PSME1: variants seen among roughly 807,000 people sequenced by gnomAD.
The protein encoded by PSME1 is proteasome activator complex subunit 1.
In PSME1, 15 loss-of-function variants were observed where a neutral mutation model predicts 38.4. That is an observed-to-expected ratio of 0.39 (90% CI 0.26 to 0.60). PSME1 has a LOEUF of 0.60. Among genes scored for constraint, PSME1 ranks in the 20% least tolerant of loss-of-function variants. The pLI, the probability that PSME1 is intolerant of heterozygous loss-of-function variation, is 0.53. For missense variants in PSME1, 249 were observed against 305.6 expected, an observed-to-expected ratio of 0.81 and a Z score of 1.38; for synonymous variants, 106 against 106.8, an observed-to-expected ratio of 0.99 and a Z score of 0.05.
chr14:24,136,228 A>C lies in PSME1; in HGVS notation c.-35A>C, dbSNP rs1354363989. The C allele has an allele frequency of 2.0e-6, 3 of 1,514,614 alleles. No individual in the cohort carries two copies. Among genetic ancestry groups the C allele is most frequent in the East Asian group, 2.8e-5 (1 of 35,578 alleles). The allele number at this position is 1,514,614 out of a possible 1,614,324, so 93.8% of individuals were successfully genotyped here. On this transcript the variant is annotated 5_prime_UTR_variant, in exon 1 of 11. Transcript: ENST00000206451. The surrounding 1 kb of genome is among the most constrained non-coding windows in gnomAD (Gnocchi z 4.8). Reference sequence around the variant, plus strand: ...GCTTTCCCTTCGCGGTGCCCACTCCACTCCTTGTGCGGCGCTAGGCCCCCC... The same window carrying C: ...GCTTTCCCTTCGCGGTGCCCACTCCCCTCCTTGTGCGGCGCTAGGCCCCCC...
rs2037896629 is a variant in PSME1 at position 24,136,205 on chromosome 14, T to C, written c.-58T>C. ...GGTGCGAGCGCCCTACCGCTTTCGC[T>C]TTCCCTTCGCGGTGCCCACTCCACT... On this transcript the variant is annotated 5_prime_UTR_variant, in exon 1 of 11. Coordinates refer to ENST00000206451, the MANE Select transcript of PSME1 (RefSeq NM_006263.4). The surrounding 1 kb of genome is among the most constrained non-coding windows in gnomAD (Gnocchi z 4.8). The C allele has an allele frequency of 2.0e-6, 3 of 1,502,054 alleles. No homozygotes were observed. Among genetic ancestry groups the C allele is most frequent in the Middle Eastern group, 1.7e-4 (1 of 5,868 alleles). 93.0% of individuals were successfully genotyped at this position (1,502,054 alleles called of 1,614,324 possible).
intron 10 of PSME1, 87 bp downstream of exon 10, chr14:24,138,647 G>T (rs2037965686): frequency 6.2e-7 from 1 of 1,613,548 alleles, no homozygotes; most frequent in African/African-American, 1.3e-5. Flanking sequence ...GGGGTTAAGG[G>T]TGACAAAGCT....
intron 3 of PSME1, 35 bp downstream of exon 3, chr14:24,137,240 G>A: frequency 3.1e-6 from 5 of 1,612,140 alleles, no homozygotes; most frequent in Non-Finnish European, 4.2e-6. Context: ...GGGAGTAAAG[G>A]CCAAGAGAAG....
chr14:24,137,471 G>C (rs770364829), intron 4 of PSME1, 40 bp downstream of exon 4: 15 of 1,613,770 alleles, frequency 9.3e-6, no homozygotes, highest in Middle Eastern at 3.3e-4. Flanking sequence ...CCAACTATGG[G>C]GGTAATCAAC....
intron 9 of PSME1, 36 bp downstream of exon 9, chr14:24,138,435 G>T: frequency 6.2e-7 from 1 of 1,614,190 alleles, no homozygotes; most frequent in South Asian, 1.1e-5. Flanking sequence ...ATGGGGGAAG[G>T]ACACATGTAA....
chr14:24,138,685 GCA>G, intron 10 of PSME1, 49 bp from the exon 11 acceptor site: 1 of 1,613,822 alleles, frequency 6.2e-7, no homozygotes, highest in Admixed American at 1.7e-5. Flanking sequence ...TAGAAATGGG[GCA>G]CAGAGCCACT....
At position 24,138,554 on chromosome 14, in the gene PSME1, T is replaced by C. The variant is rs1297760107; in HGVS notation, c.663T>C (p.Asn221=). 6.2e-7 allele frequency: 1 copy of C among 1,614,016 alleles called. No individual in the cohort carries two copies. Among genetic ancestry groups the C allele is most frequent in the Non-Finnish European group, 8.5e-7 (1 of 1,180,006 alleles). Reference sequence around the variant, plus strand: ...GGCTGATGGTCATGGAGATCCGCAATGCTTATGTGAGGAGGCAAGGGCAGG... The same window carrying C: ...GGCTGATGGTCATGGAGATCCGCAACGCTTATGTGAGGAGGCAAGGGCAGG... The part of the protein sequence containing the change: ...DIRLMVMEIR[N]AYAVLYDIIL... Residue 221 remains asparagine, a synonymous_variant, in exon 10 of 11, where the codon AAT becomes AAC. Transcript: ENST00000206451.
At position 24,136,906 on chromosome 14, in the gene PSME1, C is replaced by T. The variant is rs2037911963; in HGVS notation, c.40-79C>T. 3 of 1,576,222 alleles carry T rather than the reference C, an allele frequency of 1.9e-6. No homozygotes were observed. The highest frequency in any genetic ancestry group is 1.3e-5 in the African/African-American group (1 of 74,248). On this transcript the variant is annotated intron_variant, in intron 1 of 10. Coordinates refer to ENST00000206451, the MANE Select transcript of PSME1 (RefSeq NM_006263.4). This position sits in a 1 kb window ranked among gnomAD's most constrained non-coding sequence, Gnocchi z 4.8. ...CCTCCACCCTTCCCCAGGTCAGGCCCTACATAACCCTAAGGGAACTGTCCT... is the reference window on the plus strand; with the variant it reads ...CCTCCACCCTTCCCCAGGTCAGGCCTTACATAACCCTAAGGGAACTGTCCT...
chr14:24,138,646 G>T, intron 10 of PSME1, 86 bp downstream of exon 10: 2 of 1,613,528 alleles, frequency 1.2e-6, no homozygotes, highest in Non-Finnish European at 1.7e-6. Flanking sequence ...AGGGGTTAAG[G>T]GTGACAAAGC....
At chr14:24,137,046 A>G in intron 2 of PSME1, 29 bp downstream of exon 2, 1 of 1,613,930 alleles carries the variant, frequency 6.2e-7, no homozygotes, top group Non-Finnish European at 8.5e-7. Flanking sequence ...GCGTGGCCCC[A>G]CCCCTGCCCA....
chr14:24,137,950 G>A (rs2037941025), intron 6 of PSME1, 99 bp from the exon 7 acceptor site: 1 of 1,513,464 alleles, frequency 6.6e-7, no homozygotes, highest in Non-Finnish European at 9.2e-7. Flanking sequence ...GATAGACCCG[G>A]CACGCCTCCA....
intron 10 of PSME1, 78 bp downstream of exon 10, chr14:24,138,638 G>T: frequency 1.2e-6 from 2 of 1,613,480 alleles, no homozygotes; most frequent in South Asian, 2.2e-5. Flanking sequence ...TGCAGGCTAG[G>T]GGTTAAGGGT....
chr14:24,138,930 C>T lies in PSME1; in HGVS notation c.*114C>T. ...TTGAGATTTTTCCCTCACCTTGCCT[C>T]TCAGGCACAATAAATATAGTTATAC... is the stretch of plus-strand genomic sequence containing the variant. On this transcript the variant is annotated 3_prime_UTR_variant, in exon 11 of 11. Transcript: ENST00000206451. 1.3e-6 allele frequency: 2 copies of T among 1,595,300 alleles called. No homozygotes were observed. The highest frequency in any genetic ancestry group is 8.6e-7 in the Non-Finnish European group (1 of 1,169,028).
rs1304486825 is a variant in PSME1, at chr14:24,138,498, G to A, written c.607G>A (p.Glu203Lys). ...HVGDYRQLVH[E>K]LDEAEYRDIR... ...GGGTGATTATCGGCAGCTGGTGCAC[G>A]AGCTGGATGAGGCAGAGTACCGGGA... The change falls in exon 10 of 11, where the codon GAG (glutamate) becomes AAG (lysine). Residue 203 changes from glutamate to lysine, a missense_variant. Glu to Lys is a moderately conservative substitution (Grantham distance 56, BLOSUM62 1). Transcript: ENST00000206451. 2 of 1,613,870 alleles carry A rather than the reference G, an allele frequency of 1.2e-6. No homozygotes were observed. Among genetic ancestry groups the A allele is most frequent in the South Asian group, 1.1e-5 (1 of 91,078 alleles).
At chr14:24,137,651 C>T in intron 5 of PSME1, 49 bp from the exon 6 acceptor site, 1 of 1,610,486 alleles carries the variant, frequency 6.2e-7, no homozygotes, top group Non-Finnish European at 8.5e-7. Context: ...CTCCCCTTCG[C>T]CCCTCACACA....
chr14:24,138,277 C>T lies in PSME1; in HGVS notation c.527+14C>T, dbSNP rs201759873. ...TCAAATCTCTAAGTGAGTGACCACCCATGTGCACACTGTTTTTGTTTTGGG... is the reference window on the plus strand; with the variant it reads ...TCAAATCTCTAAGTGAGTGACCACCTATGTGCACACTGTTTTTGTTTTGGG... On this transcript the variant is annotated intron_variant, in intron 8 of 10. Transcript: ENST00000206451. The T allele has an allele frequency of 1.9e-6, 3 of 1,613,938 alleles. No homozygotes were observed. The highest frequency in any genetic ancestry group is 2.5e-6 in the Non-Finnish European group (3 of 1,179,798).
rs747609820 is a variant in PSME1, at chr14:24,136,307, C to T, written c.39+6C>T. The stretch of plus-strand genomic sequence containing the variant: ...AGCCCGAGGCCCAAGCCAAGGTGAG[C>T]GCCGCGGGGTCTAGAAAGGGCCCAC... On this transcript the variant is annotated splice_donor_region_variant and intron_variant, in intron 1 of 10. Transcript: ENST00000206451. The surrounding 1 kb of genome is among the most constrained non-coding windows in gnomAD (Gnocchi z 4.8). 20 of 1,523,640 alleles carry T rather than the reference C, an allele frequency of 1.3e-5. No homozygotes were observed. The Admixed American group carries it at 3.8e-4, about 29-fold the overall frequency. The allele number at this position is 1,523,640 out of a possible 1,614,324, so 94.4% of individuals were successfully genotyped here.
chr14:24,137,009 T>C lies in PSME1; in HGVS notation c.64T>C (p.Cys22Arg), dbSNP rs1164814349. Residue 22 changes from cysteine (C) to arginine (R), a missense_variant, in exon 2 of 11, where the codon TGT becomes CGT. Cys to Arg is a radical substitution (Grantham distance 180). Transcript: ENST00000206451. Reference protein sequence around the residue: ...AKVDVFREDLCTKTENLLGSY... With the variant: ...AKVDVFREDLRTKTENLLGSY... ...GGTGGATGTGTTTCGTGAAGACCTC[T>C]GTACCAAGGTAAGACATGCCCCATC... The C allele has an allele frequency of 2.5e-6, 4 of 1,614,210 alleles. No individual in the cohort carries two copies. Among genetic ancestry groups the C allele is most frequent in the East Asian group, 4.5e-5 (2 of 44,884 alleles).
chr14:24,136,927 G>A lies in PSME1; in HGVS notation c.40-58G>A. On this transcript the variant is annotated intron_variant, in intron 1 of 10. Transcript: ENST00000206451. The surrounding 1 kb of genome is among the most constrained non-coding windows in gnomAD (Gnocchi z 4.8). ...GGCCCTACATAACCCTAAGGGAACT[G>A]TCCTCAAATGAACTGGCCTTAAAGC... 1.9e-6 allele frequency: 3 copies of A among 1,608,378 alleles called. No individual in the cohort carries two copies. Among genetic ancestry groups the A allele is most frequent in the South Asian group, 2.2e-5 (2 of 90,910 alleles).
Sources: gnomAD v4.1 joint callset for allele counts on GRCh38, gnomAD v4.1.1 for gene constraint, Gnocchi (gnomAD v3.1) non-coding constraint, MANE v1.5 for transcripts, NCBI Gene and HGNC (gene_info 2026-07-23, HGNC 2026-07-21) for gene names.